ZDHHC17: variants seen among roughly 807,000 people sequenced by gnomAD.
ZDHHC17 encodes zDHHC palmitoyltransferase 17.
In ZDHHC17, 40 loss-of-function variants were observed where a neutral mutation model predicts 90.3. That is an observed-to-expected ratio of 0.44 (90% CI 0.34 to 0.58). The LOEUF (loss-of-function observed/expected upper bound fraction) is 0.58. Ranked by LOEUF, ZDHHC17 falls within the 20% of genes least tolerant of loss-of-function variation. The pLI is 0.01. For missense variants in ZDHHC17, 614 were observed against 780.8 expected (o/e 0.79, Z 2.55); for synonymous variants, 235 against 252.4 (o/e 0.93, Z 0.65).
intron 2 of ZDHHC17, among the ~76,000 whole-genome samples, chr12:76,798,099 G>A (rs1171201244): frequency 6.6e-6 from 1 of 152,094 alleles, no homozygotes; most frequent in African/African-American, 2.4e-5. Flanking sequence ...ATGGTGAGTT[G>A]GAAAACATTG....
Position 76,852,420 on chromosome 12 carries a change from T to C in ZDHHC17, c.*1435T>C, listed in dbSNP as rs2137813548. The C allele has an allele frequency of 1.3e-5, 2 of 152,752 alleles. 1 individual carries two copies. The highest frequency in any genetic ancestry group is 4.1e-4 in the South Asian group (2 of 4,828). 9.5% of individuals were successfully genotyped at this position (152,752 alleles called of 1,614,324 possible). A position where few individuals can be genotyped will look rare whatever the true frequency, so the allele number is the denominator to read the frequency against. On this transcript the variant is annotated 3_prime_UTR_variant, in exon 17 of 17. Coordinates refer to ENST00000426126, the MANE Select transcript of ZDHHC17 (RefSeq NM_015336.4). ...TTCTCTTTGTGTCTGTGTTAGTGTT[T>C]TTAAAGCTGCTCATTTCATTTTGTC...
At chr12:76,828,355 T>C (rs1953255530) in intron 9 of ZDHHC17, 35 bp from the exon 10 acceptor site, 4 of 1,500,316 alleles carry the variant, frequency 2.7e-6, no homozygotes, top group Non-Finnish European at 2.7e-6. Flanking sequence ...CAATGAAATA[T>C]AGAGCTCATA....
intron 15 of ZDHHC17, 71 bp downstream of exon 15, chr12:76,848,461 A>G: frequency 1.4e-6 from 2 of 1,463,554 alleles, no homozygotes; most frequent in South Asian, 2.5e-5. Flanking sequence ...AGATAATAAT[A>G]TATTCTCTTC....
chr12:76,799,240 T>C (rs1952858882), intron 2 of ZDHHC17, among the ~76,000 whole-genome samples: 1 of 152,246 alleles, frequency 6.6e-6, no homozygotes, highest in African/African-American at 2.4e-5. Context: ...TTTTTGATCA[T>C]CTGCATATTT....
chr12:76,833,078 A>G (rs1272109925), intron 10 of ZDHHC17, among the ~76,000 whole-genome samples: 1 of 152,170 alleles, frequency 6.6e-6, no homozygotes, highest in Admixed American at 6.5e-5. Flanking sequence ...ATAAGTTTTT[A>G]TGGTGATAAT....
chr12:76,846,441 A>G (rs1377397560), intron 13 of ZDHHC17, 155 bp from the exon 14 acceptor site: 1 of 578,520 alleles, frequency 1.7e-6, no homozygotes, highest in African/African-American at 1.9e-5. Context: ...GATTTTTATT[A>G]AAACATTTTT....
At chr12:76,806,990 A>G (rs1485151657) in intron 3 of ZDHHC17, among the ~76,000 whole-genome samples, 1 of 152,220 alleles carries the variant, frequency 6.6e-6, no homozygotes, top group Non-Finnish European at 1.5e-5. Flanking sequence ...TTTGAGGGTA[A>G]AGGTGCACTA....
At chr12:76,765,292 T>A (rs1284594355) in intron 1 of ZDHHC17, among the ~76,000 whole-genome samples, 4 of 152,202 alleles carry the variant, frequency 2.6e-5, no homozygotes, top group Non-Finnish European at 1.5e-5. Context: ...TTTTCTGGAT[T>A]TGGGTTTGTA....
At chr12:76,808,470 C>T (rs898078004) in intron 3 of ZDHHC17, among the ~76,000 whole-genome samples, 15 of 152,010 alleles carry the variant, frequency 9.9e-5, no homozygotes, top group African/African-American at 3.6e-4. Flanking sequence ...ATCTTTCTCT[C>T]TCTCTCCCCC....
chr12:76,814,391 A>G (rs1953059798), intron 5 of ZDHHC17, among the ~76,000 whole-genome samples: 1 of 151,942 alleles, frequency 6.6e-6, no homozygotes, highest in South Asian at 2.1e-4. Flanking sequence ...ATAATAATAC[A>G]TATCAAGTAT....
chr12:76,811,723 C>T (rs369540901), intron 5 of ZDHHC17, among the ~76,000 whole-genome samples: 2 of 95,550 alleles, frequency 2.1e-5, no homozygotes, highest in East Asian at 3.5e-4. Flanking sequence ...TCTCACCTCT[C>T]CCCTTGGCCA....
chr12:76,783,324 G>A (rs1238518859), intron 1 of ZDHHC17, among the ~76,000 whole-genome samples: 1 of 152,208 alleles, frequency 6.6e-6, no homozygotes. Context: ...ACATGGCTGG[G>A]GAGGCCTCAG....
At chr12:76,775,368 A>C (rs559141720) in intron 1 of ZDHHC17, among the ~76,000 whole-genome samples, 2 of 152,298 alleles carry the variant, frequency 1.3e-5, no homozygotes, top group African/African-American at 4.8e-5. Flanking sequence ...GTGGCTCATA[A>C]ACAATATTGT....
intron 2 of ZDHHC17, among the ~76,000 whole-genome samples, chr12:76,798,620 A>G (rs1199026010): frequency 6.6e-6 from 1 of 152,136 alleles, no homozygotes; most frequent in East Asian, 1.9e-4. Context: ...AATACCTGAC[A>G]CTGGATAATT....
intron 2 of ZDHHC17, among the ~76,000 whole-genome samples, chr12:76,798,060 A>G (rs911182152): frequency 3.9e-5 from 6 of 152,266 alleles, no homozygotes; most frequent in Admixed American, 1.3e-4. Flanking sequence ...GAAGTATACT[A>G]TTAGGCCCTG....
chr12:76,848,876 A>C (rs1366441857), intron 15 of ZDHHC17, among the ~76,000 whole-genome samples: 4 of 152,100 alleles, frequency 2.6e-5, no homozygotes, highest in African/African-American at 9.7e-5. Flanking sequence ...AAATGATACC[A>C]CGTAAACTAG....
At chr12:76,789,570 C>T (rs1414458574) in intron 1 of ZDHHC17, among the ~76,000 whole-genome samples, 1 of 151,774 alleles carries the variant, frequency 6.6e-6, no homozygotes, top group Admixed American at 6.6e-5. Context: ...GGAATACTTA[C>T]AAAAACTATG....
At chr12:76,846,495 C>T (rs1054406167) in intron 13 of ZDHHC17, 101 bp from the exon 14 acceptor site, 17 of 786,932 alleles carry the variant, frequency 2.2e-5, no homozygotes, top group Admixed American at 2.0e-4. Flanking sequence ...GTGTGATTAT[C>T]ATCAAAACTG....
intron 11 of ZDHHC17, 101 bp downstream of exon 11, chr12:76,842,207 A>G (rs1226405795): frequency 2.4e-6 from 3 of 1,266,456 alleles, no homozygotes; most frequent in African/African-American, 1.5e-5. Context: ...TTTAGAATGT[A>G]AAGAAGTTTT....
Sources: gnomAD v4.1 joint callset for allele counts (sites outside exome capture counted in the v4.1 genomes callset) on GRCh38, gnomAD v4.1.1 for gene constraint, MANE v1.5 for transcripts, NCBI Gene and HGNC (gene_info 2026-07-23, HGNC 2026-07-21) for gene names.